Variants in TLE4 observed in about 807,000 individuals in gnomAD.
The protein encoded by TLE4 is TLE family member 4, transcriptional corepressor.
TLE4 carries 8 observed loss-of-function variants against 92.8 expected under a neutral mutation model. That is an observed-to-expected ratio of 0.09 (90% CI 0.05 to 0.16). The LOEUF is 0.16. TLE4 is among the 10% of genes least tolerant of loss of function. The pLI, the probability that TLE4 is intolerant of heterozygous loss-of-function variation, is 1.00. For missense variants in TLE4, 675 were observed against 997.6 expected (o/e 0.68, Z 4.36); for synonymous variants, 371 against 374.1 (o/e 0.99, Z 0.10).
At chr9:79,711,334 A>ACTGG (rs2073235847) in intron 14 of TLE4, among the ~76,000 whole-genome samples, 1 of 151,766 alleles carries the variant, frequency 6.6e-6, no homozygotes, top group African/African-American at 2.4e-5. Flanking sequence ...ATAGTTGTTG[A>ACTGG]CTAACAAGTC....
In TLE4 at chr9:79,627,415, G is replaced by A; in HGVS notation, c.357G>A (p.Gln119=). 1 of 1,614,172 alleles carries A rather than the reference G, an allele frequency of 6.2e-7. No individual in the cohort carries two copies. Among genetic ancestry groups the A allele is most frequent in the Non-Finnish European group, 8.5e-7 (1 of 1,180,024 alleles). Residue 119 remains glutamine (Q), a synonymous_variant, in exon 6 of 20, where the codon CAG becomes CAA. Transcript: ENST00000376552. ...QVVQAVERAK[Q]VTMAELNAII... ...TGCAGGCTGTGGAACGGGCCAAGCA[G>A]GTGACCATGGCAGAACTGAACGCCA...
At chr9:79,631,616 A>ATGTATGTGTGTGTGTG in intron 6 of TLE4, among the ~76,000 whole-genome samples, 1 of 118,232 alleles carries the variant, frequency 8.5e-6, no homozygotes, top group South Asian at 3.7e-4. Context: ...TGAACCTTAA[A>ATGTATGTGTGTGTGTG]TGTGTGTGTG....
At chr9:79,597,412 T>A (rs1415099769) in intron 4 of TLE4, among the ~76,000 whole-genome samples, 1 of 152,216 alleles carries the variant, frequency 6.6e-6, no homozygotes, top group Non-Finnish European at 1.5e-5. Flanking sequence ...TCCTCTTCTC[T>A]GCTTACTTTG....
chr9:79,711,392 A>G (rs138164352), intron 14 of TLE4, among the ~76,000 whole-genome samples: 52 of 152,358 alleles, frequency 3.4e-4, no homozygotes, highest in African/African-American at 1.1e-3. Context: ...AGTTGGGTCT[A>G]TTTCAAGCAA....
intron 8 of TLE4, among the ~76,000 whole-genome samples, chr9:79,665,424 T>C (rs2061234201): frequency 6.6e-6 from 1 of 152,200 alleles, no homozygotes; most frequent in Non-Finnish European, 1.5e-5. Flanking sequence ...CTGAGTAGAA[T>C]AAAATATATT....
intron 4 of TLE4, among the ~76,000 whole-genome samples, chr9:79,606,187 GTTTTTTTTTTTTTTTTTTTT>G (rs71364420): frequency 0.088 from 2,532 of 28,752 alleles, 103 homozygotes; most frequent in Non-Finnish European, 0.13. Context: ...AGTAGTAGTT[GTTTTTTTTTTTTTTTTTTTT>G]TTTTTTTTTT....
At chr9:79,706,649 A>G in intron 10 of TLE4, 98 bp from the exon 11 acceptor site, 5 of 1,424,736 alleles carry the variant, frequency 3.5e-6, no homozygotes, top group Non-Finnish European at 4.7e-6. Context: ...GCTTCTAAGC[A>G]TGCATTAAAT....
chr9:79,686,786 T>G (rs1337547127), intron 8 of TLE4, among the ~76,000 whole-genome samples: 1 of 152,240 alleles, frequency 6.6e-6, no homozygotes, highest in Non-Finnish European at 1.5e-5. Flanking sequence ...TCTGTTGCTT[T>G]AAGCCACCTA....
At position 79,684,877 on chromosome 9, in the gene TLE4, A is replaced by G. The variant is rs531882539; in HGVS notation, c.610-19906A>G. 3.9e-5 allele frequency among the ~76,000 whole-genome samples: 6 copies of G among 152,318 alleles called. No homozygotes were observed. The South Asian group carries it at 1.0e-3, about 26-fold the overall frequency. On this transcript the variant is annotated intron_variant, in intron 8 of 19. Transcript: ENST00000376552. Reference sequence around the variant, plus strand: ...AGTGACAGAGCCCTACCAAATGTGGATACAGGGAGGTGTGAAAAATTGCAG... The same window carrying G: ...AGTGACAGAGCCCTACCAAATGTGGGTACAGGGAGGTGTGAAAAATTGCAG...
At chr9:79,636,987 A>G (rs917148307) in intron 6 of TLE4, among the ~76,000 whole-genome samples, 3 of 138,402 alleles carry the variant, frequency 2.2e-5, no homozygotes, top group African/African-American at 9.1e-5. Context: ...TAGAAAAGGA[A>G]GCGCATGGAC....
intron 8 of TLE4, among the ~76,000 whole-genome samples, chr9:79,685,932 C>G (rs1324710538): frequency 6.6e-6 from 1 of 152,010 alleles, no homozygotes; most frequent in East Asian, 1.9e-4. Flanking sequence ...TTCCTGGGTT[C>G]CACATCCTCA....
chr9:79,714,416 T>C (rs2074053265), intron 14 of TLE4, among the ~76,000 whole-genome samples: 1 of 152,210 alleles, frequency 6.6e-6, no homozygotes, highest in Non-Finnish European at 1.5e-5. Flanking sequence ...ACTGTGTAGT[T>C]ATTATTGAAT....
intron 11 of TLE4, chr9:79,707,101 A>G: frequency 1.9e-6 from 3 of 1,611,014 alleles, no homozygotes; most frequent in Non-Finnish European, 2.5e-6. Flanking sequence ...TGTTTATTTT[A>G]TGATTCTTTT....
At chr9:79,668,710 T>A in intron 8 of TLE4, 1 of 453,278 alleles carries the variant, frequency 2.2e-6, no homozygotes, top group Non-Finnish European at 2.9e-6. Context: ...GTGGGGAGGA[T>A]TAAGAAGAAC....
intron 8 of TLE4, among the ~76,000 whole-genome samples, chr9:79,676,814 TTTA>T (rs1276161998): frequency 6.6e-6 from 1 of 152,168 alleles, no homozygotes; most frequent in African/African-American, 2.4e-5. Flanking sequence ...ATAGCAGAGC[TTTA>T]TTATTTTAAA....
At chr9:79,634,815 A>G (rs573106520) in intron 6 of TLE4, among the ~76,000 whole-genome samples, 9 of 152,196 alleles carry the variant, frequency 5.9e-5, no homozygotes, top group Admixed American at 2.0e-4. Context: ...GTGGTTGCTC[A>G]TATCAGTAGT....
chr9:79,616,204 A>G (rs1393758299), intron 5 of TLE4, among the ~76,000 whole-genome samples: 1 of 152,162 alleles, frequency 6.6e-6, no homozygotes, highest in Non-Finnish European at 1.5e-5. Flanking sequence ...CAGGATGATG[A>G]CAGTTGGATC....
chr9:79,653,287 C>G (rs1019278871), intron 7 of TLE4, among the ~76,000 whole-genome samples: 1 of 152,092 alleles, frequency 6.6e-6, no homozygotes, highest in Non-Finnish European at 1.5e-5. Flanking sequence ...AGGTACAGAC[C>G]AAATTAATGA....
chr9:79,680,405 A>G (rs527940701), intron 8 of TLE4, among the ~76,000 whole-genome samples: 3 of 152,076 alleles, frequency 2.0e-5, no homozygotes, highest in Non-Finnish European at 2.9e-5. Flanking sequence ...ATGGGAGTTC[A>G]CTCATGATTT....
Sources: allele counts gnomAD v4.1 joint callset (sites outside exome capture counted in the v4.1 genomes callset), GRCh38; gene constraint gnomAD v4.1.1; transcripts MANE v1.5; gene names NCBI Gene and HGNC (gene_info 2026-07-23, HGNC 2026-07-21).